P2RX7: variants seen among roughly 807,000 people sequenced by gnomAD.
P2RX7 encodes purinergic receptor P2X 7.
P2RX7 carries 62 observed loss-of-function variants against 71.6 expected under a neutral mutation model. The observed-to-expected ratio is 0.87, with a 90% CI of 0.71 to 1.07. The LOEUF (loss-of-function observed/expected upper bound fraction) is 1.07, where lower values mean the gene tolerates loss of function less well. Among genes scored for constraint, P2RX7 ranks in the 50% least tolerant of loss-of-function variants. The pLI is 0.00. For synonymous variants in P2RX7, 299 were observed against 283.3 expected (o/e 1.06, Z -0.56); for missense variants, 686 against 748.5 (o/e 0.92, Z 0.97).
At chr12:121,181,340 CT>C (rs1297700526) in intron 12 of P2RX7, among the ~76,000 whole-genome samples, 1 of 152,176 alleles carries the variant, frequency 6.6e-6, no homozygotes, top group East Asian at 1.9e-4. Context: ...CAGTTTGGGG[CT>C]AATGCCAATA....
intron 1 of P2RX7, among the ~76,000 whole-genome samples, chr12:121,147,869 T>C (rs1182469124): frequency 6.6e-6 from 1 of 152,080 alleles, no homozygotes; most frequent in Admixed American, 6.6e-5. Flanking sequence ...TGCCTCGGCC[T>C]CCCAGAGTTC....
chr12:121,163,354 A>ATG (rs1565958156), intron 5 of P2RX7, among the ~76,000 whole-genome samples: 2 of 101,650 alleles, frequency 2.0e-5, no homozygotes, highest in African/African-American at 3.2e-5. Flanking sequence ...ACACACACAC[A>ATG]CACGCACACA....
At chr12:121,178,558 G>A (rs1331353792) in intron 11 of P2RX7, among the ~76,000 whole-genome samples, 2 of 152,120 alleles carry the variant, frequency 1.3e-5, no homozygotes, top group African/African-American at 2.4e-5. Flanking sequence ...TTGGGAGGCC[G>A]AGGCAGGCAG....
At chr12:121,147,288 G>A (rs1422445400) in intron 1 of P2RX7, among the ~76,000 whole-genome samples, 2 of 152,120 alleles carry the variant, frequency 1.3e-5, no homozygotes, top group Admixed American at 1.3e-4. Context: ...ATTAAGTGGG[G>A]GTAATAATAG....
chr12:121,167,475 G>T lies in P2RX7; in HGVS notation c.745-13G>T, dbSNP rs201193974. ...CCAGCAGCCATAGAGACTGTCCCTT[G>T]TTGATCCTTCAGGGCGGAATAATGG... On this transcript the variant is annotated splice_polypyrimidine_tract_variant and intron_variant, in intron 7 of 12. Transcript: ENST00000328963. 76 of 1,613,740 alleles carry T rather than the reference G, an allele frequency of 4.7e-5. No individual in the cohort carries two copies. The highest frequency in any genetic ancestry group is 5.3e-5 in the Non-Finnish European group (63 of 1,179,922).
In P2RX7 at chr12:121,167,563, A is replaced by T. The variant is rs201584516; in HGVS notation, c.820A>T (p.Ser274Cys). The change falls in exon 8 of 13, where the codon AGT becomes TGT. Residue 274 changes from serine (S) to cysteine (C), a missense_variant. Coordinates refer to ENST00000328963, the MANE Select transcript of P2RX7 (RefSeq NM_002562.6). ...GTTCCATCACTGCCGTCCCAAATAC[A>T]GTTTCCGTCGCCTTGACGACAAGAC... is the stretch of plus-strand genomic sequence containing the variant. Reference protein sequence around the residue: ...RWFHHCRPKYSFRRLDDKTTN... With the variant: ...RWFHHCRPKYCFRRLDDKTTN... The T allele has an allele frequency of 6.2e-7, 1 of 1,612,762 alleles. No homozygotes were observed. Among genetic ancestry groups the T allele is most frequent in the Non-Finnish European group, 8.5e-7 (1 of 1,179,398 alleles).
intron 1 of P2RX7, among the ~76,000 whole-genome samples, chr12:121,148,230 TTTG>T (rs1465143968): frequency 5.3e-4 from 80 of 149,546 alleles, no homozygotes; most frequent in African/African-American, 1.7e-3. Flanking sequence ...ATTTATTTAT[TTTG>T]AGACAGAGTC....
intron 12 of P2RX7, among the ~76,000 whole-genome samples, chr12:121,182,559 A>T (rs1488000271): frequency 2.0e-5 from 3 of 152,212 alleles, no homozygotes. Flanking sequence ...GAATGGTAAG[A>T]TTTGTATATC....
rs208287 is a variant in P2RX7, at chr12:121,149,550, T to C, written c.126-5235T>C. Among the ~76,000 whole-genome samples, 63,697 of 151,940 alleles carry C rather than the reference T, an allele frequency of 0.42. 16,743 individuals are homozygous for C. Among genetic ancestry groups the C allele is most frequent in the African/African-American group, 0.75 (31,119 of 41,442 alleles). On this transcript the variant is annotated intron_variant, in intron 1 of 12. Transcript: ENST00000328963. This position sits in a 1 kb window ranked among gnomAD's most constrained non-coding sequence, Gnocchi z 4.7. The stretch of plus-strand genomic sequence containing the variant: ...CAGATCCCATGAGACTTACTCACTA[T>C]CACGAGAACAGTATGGGGGAAACTG...
chr12:121,178,602 G>A (rs886826586), intron 11 of P2RX7, among the ~76,000 whole-genome samples: 2 of 152,098 alleles, frequency 1.3e-5, no homozygotes, highest in African/African-American at 4.8e-5. Context: ...GACCAGCCTG[G>A]CCAACATGGT....
At chr12:121,178,098 G>A (rs1190147787) in intron 11 of P2RX7, among the ~76,000 whole-genome samples, 3 of 152,204 alleles carry the variant, frequency 2.0e-5, no homozygotes, top group Non-Finnish European at 4.4e-5. Context: ...CAATTTGGCA[G>A]TGACTAATGT....
chr12:121,174,236 T>TG (rs1425473531), intron 8 of P2RX7, among the ~76,000 whole-genome samples: 1 of 151,782 alleles, frequency 6.6e-6, no homozygotes, highest in African/African-American at 2.4e-5. Context: ...TTAGTAGAGA[T>TG]GGGGTTTCAC....
At chr12:121,180,476 T>A in intron 12 of P2RX7, 21 bp downstream of exon 12, 6 of 220,072 alleles carry the variant, frequency 2.7e-5, no homozygotes, top group Non-Finnish European at 4.4e-5. Flanking sequence ...TCATTTTGTC[T>A]TTTTTTTTTT....
At chr12:121,182,787 T>G (rs1884339062) in intron 12 of P2RX7, among the ~76,000 whole-genome samples, 1 of 152,204 alleles carries the variant, frequency 6.6e-6, no homozygotes, top group African/African-American at 2.4e-5. Flanking sequence ...CTTCAAAATA[T>G]TTATCTTTCT....
At position 121,177,594 on chromosome 12, in the gene P2RX7, A is replaced by G. The variant is rs373438932; in HGVS notation, c.1188+148A>G. 817 of 794,498 alleles carry G rather than the reference A, an allele frequency of 1.0e-3. 11 individuals carry two copies. In the South Asian group the frequency reaches 0.012, roughly 12 times the overall value. 49.2% of individuals were successfully genotyped at this position (794,498 alleles called of 1,614,324 possible). On this transcript the variant is annotated intron_variant, in intron 11 of 12. Transcript: ENST00000328963. ...TACCCCGATCAACCAACTCTCAGAT[A>G]AATTTTTTGGTCTTAGAGAAGAATG...
At chr12:121,180,794 C>A (rs900340627) in intron 12 of P2RX7, among the ~76,000 whole-genome samples, 2 of 152,002 alleles carry the variant, frequency 1.3e-5, no homozygotes, top group African/African-American at 4.8e-5. Context: ...GAAACCTCGT[C>A]TCTACTAAAA....
intron 1 of P2RX7, among the ~76,000 whole-genome samples, chr12:121,137,373 G>C (rs759046923): frequency 2.6e-5 from 4 of 152,164 alleles, no homozygotes; most frequent in Non-Finnish European, 5.9e-5. Flanking sequence ...GGCAAAATTG[G>C]TTCCAGCAGA....
intron 1 of P2RX7, among the ~76,000 whole-genome samples, chr12:121,152,668 C>T (rs772535340): frequency 1.3e-5 from 2 of 152,174 alleles, no homozygotes; most frequent in East Asian, 1.9e-4. Flanking sequence ...TACAGGCTCA[C>T]GCCACCGTAC....
chr12:121,162,515 C>G lies in P2RX7; in HGVS notation c.528C>G (p.Ala176=), dbSNP rs1444819117. ...AWCPIEAVEE[A]PRPALLNSAE... is the part of the protein sequence containing the mutation. ...GCCCCATCGAGGCAGTGGAAGAGGC[C>G]CCCCGGTGAGTCGCATGGGGAGACA... The change falls in exon 5 of 13, where the codon GCC becomes GCG. Residue 176 remains alanine (A), a synonymous_variant. Transcript: ENST00000328963. The G allele has an allele frequency of 1.2e-6, 2 of 1,612,532 alleles. No individual in the cohort carries two copies. The highest frequency in any genetic ancestry group is 1.3e-5 in the African/African-American group (1 of 74,874).
Sources: allele counts gnomAD v4.1 joint callset (sites outside exome capture counted in the v4.1 genomes callset), GRCh38; gene constraint gnomAD v4.1.1; non-coding constraint Gnocchi (gnomAD v3.1); transcripts MANE v1.5; gene names NCBI Gene and HGNC (gene_info 2026-07-23, HGNC 2026-07-21).